LRFN5: variants seen among roughly 807,000 people sequenced by gnomAD.
The protein encoded by LRFN5 is leucine rich repeat and fibronectin type III domain containing 5.
A neutral mutation model predicts 45.6 loss-of-function variants in LRFN5; 24 were observed. The ratio of observed to expected loss-of-function variants is 0.53; its 90% CI spans 0.38 to 0.74. The LOEUF is 0.74. Among genes scored for constraint, LRFN5 ranks in the 30% least tolerant of loss-of-function variants. The pLI, the probability that LRFN5 is intolerant of heterozygous loss-of-function variation, is 0.00. For synonymous variants in LRFN5, 340 were observed against 313.8 expected, an observed-to-expected ratio of 1.08 and a Z score of -0.88; for missense variants, 776 against 861.5, an observed-to-expected ratio of 0.90 and a Z score of 1.24.
intron 2 of LRFN5, among the ~76,000 whole-genome samples, chr14:41,837,297 A>G (rs747217336): frequency 5.9e-5 from 9 of 151,626 alleles, no homozygotes; most frequent in Non-Finnish European, 1.2e-4. Flanking sequence ...CACACCTGCA[A>G]TTAAAGACAA....
At chr14:41,676,573 GA>G (rs1258461815) in intron 1 of LRFN5, among the ~76,000 whole-genome samples, 1 of 152,062 alleles carries the variant, frequency 6.6e-6, no homozygotes, top group African/African-American at 2.4e-5. Flanking sequence ...CAACTAAGAA[GA>G]ACCCTCCTAG....
At chr14:41,668,551 A>G (rs1881016074) in intron 1 of LRFN5, among the ~76,000 whole-genome samples, 1 of 152,164 alleles carries the variant, frequency 6.6e-6, no homozygotes, top group Admixed American at 6.5e-5. Context: ...CTTAGGAAGC[A>G]GTTTCAAACA....
intron 2 of LRFN5, among the ~76,000 whole-genome samples, chr14:41,782,858 T>C (rs1248825494): frequency 2.0e-5 from 3 of 152,142 alleles, no homozygotes; most frequent in Non-Finnish European, 2.9e-5. Context: ...AGCCTTGTTA[T>C]AGTGGTAGTA....
intron 1 of LRFN5, among the ~76,000 whole-genome samples, chr14:41,714,272 TTCTC>T (rs754703840): frequency 1.1e-4 from 16 of 152,142 alleles, no homozygotes; most frequent in Non-Finnish European, 2.2e-4. Context: ...TTCTTTCTCT[TTCTC>T]TTGGCTGCCC....
At chr14:41,821,570 G>A (rs115864729) in intron 2 of LRFN5, among the ~76,000 whole-genome samples, 2,381 of 151,874 alleles carry the variant, frequency 0.016, 56 homozygotes, top group African/African-American at 0.053. Flanking sequence ...TGTTCATCAG[G>A]GATACCAGCC....
At chr14:41,893,656 T>C (rs1890853279) in intron 4 of LRFN5, 1 of 985,226 alleles carries the variant, frequency 1.0e-6, no homozygotes, top group East Asian at 1.1e-4. Flanking sequence ...ACTGTTAACT[T>C]GACAAAGCCA....
At chr14:41,842,362 C>A (rs116691107) in intron 2 of LRFN5, among the ~76,000 whole-genome samples, 1 of 151,964 alleles carries the variant, frequency 6.6e-6, no homozygotes, top group Non-Finnish European at 1.5e-5. Context: ...TTAATGTAAA[C>A]CCAAATATCA....
At chr14:41,827,826 T>A (rs1249550288) in intron 2 of LRFN5, among the ~76,000 whole-genome samples, 1 of 152,050 alleles carries the variant, frequency 6.6e-6, no homozygotes, top group African/African-American at 2.4e-5. Context: ...TGTTTCTAAA[T>A]TTGGGAACTA....
chr14:41,771,816 C>T (rs2138893675), intron 2 of LRFN5, among the ~76,000 whole-genome samples: 1 of 152,284 alleles, frequency 6.6e-6, no homozygotes, highest in South Asian at 2.1e-4. Context: ...TCCAAAGTCT[C>T]CCAAACTCTG....
chr14:41,841,222 A>T (rs1031127798), intron 2 of LRFN5, among the ~76,000 whole-genome samples: 1 of 151,952 alleles, frequency 6.6e-6, no homozygotes, highest in African/African-American at 2.4e-5. Flanking sequence ...GCAATTATAG[A>T]AATTATATAA....
chr14:41,831,007 T>C (rs1378835383), intron 2 of LRFN5, among the ~76,000 whole-genome samples: 1 of 152,200 alleles, frequency 6.6e-6, no homozygotes, highest in Non-Finnish European at 1.5e-5. Context: ...TGGGAAACAT[T>C]GCTCCAGCTT....
chr14:41,715,214 T>C (rs61990337), intron 1 of LRFN5, among the ~76,000 whole-genome samples: 32,589 of 152,166 alleles, frequency 0.21, 3,581 homozygotes, highest in African/African-American at 0.23. Context: ...CATTACCATT[T>C]TGAAATGACT....
chr14:41,822,967 C>T (rs377407298), intron 2 of LRFN5, among the ~76,000 whole-genome samples: 1 of 149,878 alleles, frequency 6.7e-6, no homozygotes, highest in East Asian at 2.0e-4. Flanking sequence ...TGTAGCTACT[C>T]CTGCTCACTT....
At chr14:41,618,731 A>G (rs55763225) in intron 1 of LRFN5, among the ~76,000 whole-genome samples, 1 of 152,218 alleles carries the variant, frequency 6.6e-6, no homozygotes, top group African/African-American at 2.4e-5. Context: ...AGGTACTGAG[A>G]CATAGCCAGC....
At chr14:41,695,062 A>G (rs1479164127) in intron 1 of LRFN5, among the ~76,000 whole-genome samples, 1 of 151,980 alleles carries the variant, frequency 6.6e-6, no homozygotes, top group Non-Finnish European at 1.5e-5. Flanking sequence ...TTGAACACAC[A>G]AATAATAAGA....
intron 1 of LRFN5, among the ~76,000 whole-genome samples, chr14:41,756,610 C>T (rs552133926): frequency 6.6e-6 from 1 of 152,320 alleles, no homozygotes; most frequent in East Asian, 1.9e-4. Flanking sequence ...ATCTCCATCA[C>T]GTCCTTTAAG....
intron 1 of LRFN5, among the ~76,000 whole-genome samples, chr14:41,655,232 T>C (rs1478088429): frequency 6.6e-6 from 1 of 151,984 alleles, no homozygotes. Flanking sequence ...CAGCTGCTAA[T>C]AGATTCTAGG....
chr14:41,787,323 C>T (rs1284087300), intron 2 of LRFN5, among the ~76,000 whole-genome samples: 1 of 152,034 alleles, frequency 6.6e-6, no homozygotes, highest in African/African-American at 2.4e-5. Flanking sequence ...CATTGTCCAC[C>T]TAACCCAACC....
At chr14:41,902,519 TTC>T (rs1032268642) in intron 5 of LRFN5, among the ~76,000 whole-genome samples, 2 of 151,904 alleles carry the variant, frequency 1.3e-5, no homozygotes, top group Admixed American at 6.6e-5. Context: ...GCAGACAAAC[TTC>T]TTAGTTCACA....
Sources: allele counts gnomAD v4.1 joint callset (sites outside exome capture counted in the v4.1 genomes callset), GRCh38; gene constraint gnomAD v4.1.1; transcripts MANE v1.5; gene names NCBI Gene and HGNC (gene_info 2026-07-23, HGNC 2026-07-21).